RAB2A: variants seen among roughly 807,000 people sequenced by gnomAD.
RAB2A encodes ras-related protein Rab-2A.
Under a neutral mutation model 32.5 loss-of-function variants are expected in RAB2A, and 7 were observed. The ratio of observed to expected loss-of-function variants is 0.22; its 90% confidence interval spans 0.12 to 0.40. RAB2A has a LOEUF of 0.40. Ranked by LOEUF, RAB2A falls within the 10% of genes least tolerant of loss-of-function variation. The pLI is 1.00. For missense variants in RAB2A, 108 were observed against 260.7 expected (o/e 0.41, Z 4.03); for synonymous variants, 79 against 85.2 (o/e 0.93, Z 0.40).
At chr8:60,596,011 T>C (rs1270851054) in intron 6 of RAB2A, among the ~76,000 whole-genome samples, 2 of 152,124 alleles carry the variant, frequency 1.3e-5, no homozygotes, top group African/African-American at 2.4e-5. Flanking sequence ...AAAAAACACA[T>C]TGAACTGAAT....
At chr8:60,598,632 T>C (rs1804071636) in intron 6 of RAB2A, among the ~76,000 whole-genome samples, 3 of 152,134 alleles carry the variant, frequency 2.0e-5, no homozygotes, top group Admixed American at 2.0e-4. Flanking sequence ...CAAATCAGTG[T>C]ACTCCACCAT....
At chr8:60,518,524 C>A (rs2130801803) in intron 1 of RAB2A, among the ~76,000 whole-genome samples, 2 of 137,386 alleles carry the variant, frequency 1.5e-5, no homozygotes, top group African/African-American at 2.8e-5. Flanking sequence ...GGCGTCGTGG[C>A]AGGCGCCTGT....
At chr8:60,568,477 A>G (rs963661032) in intron 2 of RAB2A, among the ~76,000 whole-genome samples, 2 of 152,174 alleles carry the variant, frequency 1.3e-5, no homozygotes, top group African/African-American at 4.8e-5. Flanking sequence ...GCATTGTTCT[A>G]TTTTATATGT....
intron 5 of RAB2A, among the ~76,000 whole-genome samples, chr8:60,585,080 T>G (rs1803826368): frequency 6.6e-6 from 1 of 152,224 alleles, no homozygotes; most frequent in Non-Finnish European, 1.5e-5. Context: ...ATTACTGATG[T>G]AAAGTAAAGC....
At chr8:60,609,438 G>A (rs570776924) in intron 6 of RAB2A, among the ~76,000 whole-genome samples, 1 of 152,180 alleles carries the variant, frequency 6.6e-6, no homozygotes, top group Non-Finnish European at 1.5e-5. Flanking sequence ...TGTTTGTCAT[G>A]TCGGCCCACC....
chr8:60,572,344 G>A (rs1007493487), intron 3 of RAB2A, among the ~76,000 whole-genome samples: 9 of 152,226 alleles, frequency 5.9e-5, no homozygotes, highest in Non-Finnish European at 8.8e-5. Context: ...GAATGTTCAC[G>A]TTATGTGGTC....
At chr8:60,570,247 T>C (rs1455901454) in intron 2 of RAB2A, among the ~76,000 whole-genome samples, 1 of 152,196 alleles carries the variant, frequency 6.6e-6, no homozygotes, top group Non-Finnish European at 1.5e-5. Flanking sequence ...AGTTTTGGAT[T>C]GTGCTTAAAA....
chr8:60,591,882 A>G lies in RAB2A; in HGVS notation c.387A>G (p.Val129=), dbSNP rs141013917. ...GTGATTTAGAATCTAGAAGAGAAGT[A>G]AAAAAAGAAGAAGGTGAAGCTTTTG... ...NKSDLESRRE[V]KKEEGEAFAR... Residue 129 remains valine (V), a synonymous_variant, in exon 6 of 8, where the codon GTA becomes GTG. Coordinates refer to ENST00000262646, the MANE Select transcript of RAB2A (RefSeq NM_002865.3). 21 of 1,610,088 alleles carry G rather than the reference A, an allele frequency of 1.3e-5. No individual in the cohort carries two copies. The highest frequency in any genetic ancestry group is 5.0e-5 in the Admixed American group (3 of 59,904).
Position 60,591,852 on chromosome 8 carries a change from G to T in RAB2A, c.363-6G>T. 4 of 1,570,614 alleles carry T rather than the reference G, an allele frequency of 2.5e-6. No homozygotes were observed. The highest frequency in any genetic ancestry group is 3.5e-6 in the Non-Finnish European group (4 of 1,141,888). On this transcript the variant is annotated splice_region_variant and splice_polypyrimidine_tract_variant and intron_variant, in intron 5 of 7. Coordinates refer to ENST00000262646, the MANE Select transcript of RAB2A (RefSeq NM_002865.3). ...AGTAATGTGACCCTTTCTTTCCCAT[G>T]TTTAGTGATTTAGAATCTAGAAGAG...
At chr8:60,609,318 C>CCTT (rs1272138566) in intron 6 of RAB2A, among the ~76,000 whole-genome samples, 1 of 152,210 alleles carries the variant, frequency 6.6e-6, no homozygotes, top group Non-Finnish European at 1.5e-5. Flanking sequence ...AGCATGTCTT[C>CCTT]CTTCTGCCAC....
intron 5 of RAB2A, among the ~76,000 whole-genome samples, chr8:60,590,191 C>G (rs918396715): frequency 6.6e-6 from 1 of 152,032 alleles, no homozygotes; most frequent in Non-Finnish European, 1.5e-5. Context: ...GAACTCCTAA[C>G]CTGAGGTGAT....
At chr8:60,556,002 A>G (rs1807932195) in intron 1 of RAB2A, among the ~76,000 whole-genome samples, 1 of 152,214 alleles carries the variant, frequency 6.6e-6, no homozygotes, top group East Asian at 1.9e-4. Context: ...TGTGGTAAAT[A>G]TACACAATGG....
intron 1 of RAB2A, among the ~76,000 whole-genome samples, chr8:60,523,692 ATT>A (rs775682052): frequency 1.9e-4 from 24 of 129,246 alleles, no homozygotes; most frequent in Non-Finnish European, 1.5e-4. Context: ...GTTAACCTTC[ATT>A]TTTTTTTTTT....
In RAB2A at chr8:60,605,911, G is replaced by T. The variant is rs1191507189; in HGVS notation, c.475-12669G>T. On this transcript the variant is annotated intron_variant, in intron 6 of 7. Coordinates refer to ENST00000262646, the MANE Select transcript of RAB2A (RefSeq NM_002865.3). ...CGCCTATAATCCCAGCACTTTGGGA[G>T]GCCAAGACGGGCAGATCACCTGAGG... is the stretch of plus-strand genomic sequence containing the variant. Among the ~76,000 whole-genome samples the T allele has an allele frequency of 4.0e-5, 6 of 150,434 alleles. No individual in the cohort carries two copies. In the East Asian group the frequency reaches 1.2e-3, roughly 29 times the overall value.
chr8:60,586,188 C>A (rs1803843283), intron 5 of RAB2A, among the ~76,000 whole-genome samples: 1 of 152,032 alleles, frequency 6.6e-6, no homozygotes, highest in African/African-American at 2.4e-5. Context: ...GTGATTCCAG[C>A]TACTCAGGAG....
chr8:60,543,649 G>A (rs1202592556), intron 1 of RAB2A, among the ~76,000 whole-genome samples: 1 of 152,158 alleles, frequency 6.6e-6, no homozygotes, highest in Non-Finnish European at 1.5e-5. Flanking sequence ...ATTTACTACA[G>A]TAAACCGCCA....
At chr8:60,526,020 C>CATATATATATATATATATATATATATAT in intron 1 of RAB2A, among the ~76,000 whole-genome samples, 1 of 92,344 alleles carries the variant, frequency 1.1e-5, no homozygotes, top group African/African-American at 3.8e-5. Flanking sequence ...TGTGTGTGTA[C>CATATATATATATATATATATATATATAT]ATATATATAT....
At chr8:60,538,852 C>T (rs1807595868) in intron 1 of RAB2A, among the ~76,000 whole-genome samples, 1 of 152,110 alleles carries the variant, frequency 6.6e-6, no homozygotes, top group Admixed American at 6.5e-5. Context: ...AGAAGGCAGT[C>T]AATTGAAAAC....
chr8:60,542,874 G>A (rs931648600), intron 1 of RAB2A, among the ~76,000 whole-genome samples: 11 of 152,116 alleles, frequency 7.2e-5, no homozygotes, highest in Non-Finnish European at 1.5e-5. Flanking sequence ...CATCCTCTTG[G>A]GAACTTTATT....
Sources: allele counts gnomAD v4.1 joint callset (sites outside exome capture counted in the v4.1 genomes callset), GRCh38; gene constraint gnomAD v4.1.1; transcripts MANE v1.5; gene names NCBI Gene and HGNC (gene_info 2026-07-23, HGNC 2026-07-21).